RAB11FIP3: variants seen among roughly 807,000 people sequenced by gnomAD.
The protein encoded by RAB11FIP3 is rab11 family-interacting protein 3.
Under a neutral mutation model 77.8 loss-of-function variants are expected in RAB11FIP3, and 17 were observed. The observed-to-expected ratio is 0.22, with a 90% CI of 0.15 to 0.33. The LOEUF (loss-of-function observed/expected upper bound fraction) is 0.33. Ranked by LOEUF, RAB11FIP3 falls within the 10% of genes least tolerant of loss-of-function variation. The pLI is 1.00. For missense variants in RAB11FIP3, 1,005 were observed against 1,011.2 expected (o/e 0.99, Z 0.08); for synonymous variants, 437 against 448.2 (o/e 0.98, Z 0.31).
chr16:450,922 G>A (rs1300551719), intron 1 of RAB11FIP3, among the ~76,000 whole-genome samples: 1 of 145,786 alleles, frequency 6.9e-6, no homozygotes, highest in Non-Finnish European at 1.5e-5. Flanking sequence ...GACCAGACCT[G>A]AAGTGCAGGA....
rs369287200 is a variant in RAB11FIP3, at chr16:492,309, C to T, written c.1265+3309C>T. Among the ~76,000 whole-genome samples the T allele has an allele frequency of 1.7e-4, 24 of 138,180 alleles. No individual in the cohort carries two copies. In the South Asian group the frequency reaches 2.0e-3, roughly 11 times the overall value. The allele number at this position is 138,180 out of a possible 152,430, so 90.7% of individuals were successfully genotyped here. On this transcript the variant is annotated intron_variant, in intron 5 of 13. Transcript: ENST00000262305. ...GGCACTGATGGCCATTCTGGAGCAT[C>T]GGGGGTCTTGGCAGCACTGGTGAGA...
rs180970631 is a variant in RAB11FIP3, at chr16:520,612, G to C, written c.2157+13G>C. The C allele has an allele frequency of 6.2e-7, 1 of 1,612,564 alleles. No homozygotes were observed. Among genetic ancestry groups the C allele is most frequent in the African/African-American group, 1.3e-5 (1 of 75,040 alleles). On this transcript the variant is annotated intron_variant, in intron 13 of 13. Transcript: ENST00000262305. ...CTCCCGAGATGAGGTAACACATCCC[G>C]TGTCTGCACGGTGTGGCCTGGGGTC...
chr16:518,837 T>C, intron 9 of RAB11FIP3, 106 bp from the exon 10 acceptor site: 8 of 1,138,302 alleles, frequency 7.0e-6, no homozygotes, highest in Non-Finnish European at 7.9e-6. Flanking sequence ...GGGGCGTCTG[T>C]TGGTCACAGG....
chr16:430,257 T>A (rs1275732782), intron 1 of RAB11FIP3, among the ~76,000 whole-genome samples: 1 of 152,186 alleles, frequency 6.6e-6, no homozygotes, highest in Non-Finnish European at 1.5e-5. Flanking sequence ...AAGCAGAGAT[T>A]GTAAAATAAA....
At chr16:427,835 C>G (rs1013087242) in intron 1 of RAB11FIP3, among the ~76,000 whole-genome samples, 2 of 152,068 alleles carry the variant, frequency 1.3e-5, no homozygotes, top group Non-Finnish European at 2.9e-5. Context: ...CGCGGTGGCT[C>G]ATGCCTGTAA....
At position 474,754 on chromosome 16, in the gene RAB11FIP3, T is replaced by A; in HGVS notation, c.903+3365T>A. The A allele has an allele frequency of 2.3e-6, 3 of 1,296,088 alleles. No homozygotes were observed. The East Asian group carries it at 8.3e-5, about 36-fold the overall frequency. 80.3% of individuals were successfully genotyped at this position (1,296,088 alleles called of 1,614,324 possible). ...AGGAAGCCAAAAACAAAAGCCACTC[T>A]GTTTTCAGCCCTGACTGACTAACCG... On this transcript the variant is annotated intron_variant, in intron 3 of 13. Transcript: ENST00000262305.
At position 505,439 on chromosome 16, in the gene RAB11FIP3, A is replaced by G. The variant is rs2031819779; in HGVS notation, c.1396-85A>G. The G allele has an allele frequency of 3.9e-6, 4 of 1,029,556 alleles. No homozygotes were observed. The highest frequency in any genetic ancestry group is 4.9e-5 in the Admixed American group (2 of 40,702). 63.8% of individuals were successfully genotyped at this position (1,029,556 alleles called of 1,614,324 possible). A position where few individuals can be genotyped will look rare whatever the true frequency, so the allele number is the denominator to read the frequency against. The stretch of plus-strand genomic sequence containing the variant: ...CTGATTCTGTGCTGAGAAAATCCCC[A>G]GGCGGCCTCCCAGGTTGTTCCCTTG... On this transcript the variant is annotated intron_variant, in intron 7 of 13. Coordinates refer to ENST00000262305, the MANE Select transcript of RAB11FIP3 (RefSeq NM_014700.4). The surrounding 1 kb of genome is among the most constrained non-coding windows in gnomAD (Gnocchi z 4.0).
At chr16:515,004 G>A (rs1427321147) in intron 9 of RAB11FIP3, among the ~76,000 whole-genome samples, 1 of 152,160 alleles carries the variant, frequency 6.6e-6, no homozygotes, top group Non-Finnish European at 1.5e-5. Context: ...GAAAATGTGA[G>A]TAGACTCCCC....
At chr16:469,301 C>G (rs1316152272) in intron 2 of RAB11FIP3, among the ~76,000 whole-genome samples, 1 of 152,118 alleles carries the variant, frequency 6.6e-6, no homozygotes, top group Non-Finnish European at 1.5e-5. Context: ...GTCTCGAACT[C>G]CTGAACTCGT....
intron 1 of RAB11FIP3, among the ~76,000 whole-genome samples, chr16:440,473 C>T (rs1384421519): frequency 6.6e-6 from 1 of 152,152 alleles, no homozygotes; most frequent in South Asian, 2.1e-4. Context: ...GCCCAAAGTC[C>T]AAGGGAGGCT....
chr16:495,303 C>G (rs533735010), intron 5 of RAB11FIP3, among the ~76,000 whole-genome samples: 118 of 152,296 alleles, frequency 7.7e-4, no homozygotes, highest in African/African-American at 2.7e-3. Context: ...ACAGTCACTG[C>G]CACCCAGGGC....
intron 3 of RAB11FIP3, among the ~76,000 whole-genome samples, chr16:480,603 G>A (rs1046926500): frequency 3.0e-4 from 45 of 151,844 alleles, no homozygotes; most frequent in Admixed American, 1.4e-3. Flanking sequence ...GGGTTCAAGC[G>A]ATTCTTCTGC....
intron 1 of RAB11FIP3, among the ~76,000 whole-genome samples, chr16:438,480 A>T (rs1470037691): frequency 1.4e-5 from 2 of 140,348 alleles, no homozygotes; most frequent in African/African-American, 5.5e-5. Context: ...ATCTCAGCTC[A>T]CTGCAACCTC....
chr16:432,668 C>T (rs2055057781), intron 1 of RAB11FIP3, among the ~76,000 whole-genome samples: 2 of 146,660 alleles, frequency 1.4e-5, no homozygotes, highest in South Asian at 4.3e-4. Context: ...GGTACGATCT[C>T]GGCTCAGTGC....
At chr16:492,469 CG>C in intron 5 of RAB11FIP3, among the ~76,000 whole-genome samples, 1 of 114,188 alleles carries the variant, frequency 8.8e-6, no homozygotes, top group Non-Finnish European at 2.0e-5. Flanking sequence ...CGGGGAGACC[CG>C]AGGCCGCCCA....
intron 3 of RAB11FIP3, chr16:474,912 C>T (rs567716650): frequency 5.1e-5 from 78 of 1,532,012 alleles, no homozygotes; most frequent in Non-Finnish European, 6.2e-5. Context: ...TCCAGGTGAG[C>T]GCACAGGCTT....
intron 5 of RAB11FIP3, among the ~76,000 whole-genome samples, chr16:495,672 G>A (rs1479471109): frequency 6.6e-6 from 1 of 152,226 alleles, no homozygotes; most frequent in African/African-American, 2.4e-5. Context: ...TGTTTCTACA[G>A]GGCAAGTAAA....
At chr16:438,690 AT>A (rs34701607) in intron 1 of RAB11FIP3, among the ~76,000 whole-genome samples, 90 of 140,256 alleles carry the variant, frequency 6.4e-4, no homozygotes, top group Middle Eastern at 3.8e-3. Flanking sequence ...GGCCTTTTAA[AT>A]TTTTTTTTTT....
Position 426,592 on chromosome 16 carries a change from G to C in RAB11FIP3, c.586G>C (p.Glu196Gln). 6.3e-7 allele frequency: 1 copy of C among 1,598,128 alleles called. No homozygotes were observed. The highest frequency in any genetic ancestry group is 8.5e-7 in the Non-Finnish European group (1 of 1,173,478). Residue 196 changes from glutamate to glutamine, a missense_variant, in exon 1 of 14, where the codon GAG (glutamate) becomes CAG (glutamine). Coordinates refer to ENST00000262305, the MANE Select transcript of RAB11FIP3 (RefSeq NM_014700.4). This position sits in a 1 kb window ranked among gnomAD's most constrained non-coding sequence, Gnocchi z 5.0. Reference protein sequence around the residue: ...DLSQTHPLPSEPVGSQEDGPR... With the variant: ...DLSQTHPLPSQPVGSQEDGPR... ...CAGCCAGACCCACCCCCTTCCGAGCGAGCCCGTGGGGAGTCAGGAGGACGG... is the reference window on the plus strand; with the variant it reads ...CAGCCAGACCCACCCCCTTCCGAGCCAGCCCGTGGGGAGTCAGGAGGACGG...
Sources: gnomAD v4.1 joint callset for allele counts (sites outside exome capture counted in the v4.1 genomes callset) on GRCh38, gnomAD v4.1.1 for gene constraint, Gnocchi (gnomAD v3.1) non-coding constraint, MANE v1.5 for transcripts, NCBI Gene and HGNC (gene_info 2026-07-23, HGNC 2026-07-21) for gene names.